CACNA1B: variants seen among roughly 807,000 people sequenced by gnomAD.
CACNA1B encodes the protein calcium voltage-gated channel subunit alpha1 B.
CACNA1B carries 70 observed loss-of-function variants against 247.2 expected under a neutral mutation model. The ratio of observed to expected loss-of-function variants is 0.28; its 90% CI spans 0.23 to 0.35. CACNA1B has a LOEUF of 0.35. CACNA1B is among the 10% of genes least tolerant of loss of function. The pLI is 1.00. For missense variants in CACNA1B, 2,367 were observed against 3,197.4 expected (o/e 0.74, Z 6.26); for synonymous variants, 1,231 against 1,294.4 (o/e 0.95, Z 1.05).
intron 43 of CACNA1B, 69 bp from the exon 44 acceptor site, chr9:138,118,583 G>C (rs950480270): frequency 1.2e-5 from 9 of 758,626 alleles, no homozygotes; most frequent in Non-Finnish European, 1.8e-5. Context: ...CATGGAGTGA[G>C]TCCGGGGTGG....
intron 45 of CACNA1B, 83 bp from the exon 46 acceptor site, chr9:138,120,548 C>G: frequency 1.4e-6 from 2 of 1,434,914 alleles, no homozygotes; most frequent in African/African-American, 1.4e-5. Context: ...CTGGCACCAC[C>G]TGAATTCTGT....
rs1959251995 is a variant in CACNA1B, at chr9:138,050,910, C to G, written c.3711-1182C>G. ...CTACAGTCAGGGGAGAAGAAGGGGA[C>G]CAGGGTGCCTGAGACGTGTAGCTCA... On this transcript the variant is annotated intron_variant, in intron 24 of 46. Transcript: ENST00000371372. The surrounding 1 kb of genome is among the most constrained non-coding windows in gnomAD (Gnocchi z 5.2). Among the ~76,000 whole-genome samples the G allele has an allele frequency of 6.6e-6, 1 of 152,052 alleles. No individual in the cohort carries two copies. The highest frequency in any genetic ancestry group is 2.4e-5 in the African/African-American group (1 of 41,386).
chr9:137,890,801 A>T (rs1588984053), intron 3 of CACNA1B: 7 of 132,992 alleles, frequency 5.3e-5, no homozygotes, highest in Non-Finnish European at 1.1e-4. Flanking sequence ...GGGGACAGTG[A>T]GCGGCAGAGC....
Position 137,952,333 on chromosome 9 carries a change from C to T in CACNA1B, c.1026C>T (p.Ile342=), listed in dbSNP as rs202077239. The T allele has an allele frequency of 2.8e-5, 45 of 1,613,606 alleles. No individual in the cohort carries two copies. Among genetic ancestry groups the T allele is most frequent in the Non-Finnish European group, 3.6e-5 (42 of 1,179,764 alleles). Residue 342 remains isoleucine, a synonymous_variant, in exon 7 of 47, where the codon ATC becomes ATT. Transcript: ENST00000371372. This position sits in a 1 kb window ranked among gnomAD's most constrained non-coding sequence, Gnocchi z 4.8. ...TCTACTTCATCCCTCTCATCATCATCGGCTCCTTCTTCATGCTCAACCTGG... is the reference window on the plus strand; with the variant it reads ...TCTACTTCATCCCTCTCATCATCATTGGCTCCTTCTTCATGCTCAACCTGG... ...NWLYFIPLII[I]GSFFMLNLVL...
In CACNA1B at chr9:138,033,543, G is replaced by A. The variant is rs151155972; in HGVS notation, c.3286+8371G>A. ...TCAGTTTTAGCTTGTCTACTGTGAT[G>A]CCACGCCAGCAAGTAGTGGGGCATA... On this transcript the variant is annotated intron_variant, in intron 20 of 46. Coordinates refer to ENST00000371372, the MANE Select transcript of CACNA1B (RefSeq NM_000718.4). Among the ~76,000 whole-genome samples the A allele has an allele frequency of 1.6e-3, 238 of 152,286 alleles. 1 individual carries two copies. Among genetic ancestry groups the A allele is most frequent in the African/African-American group, 4.9e-3 (205 of 41,558 alleles).
chr9:138,122,194 T>C lies in CACNA1B; in HGVS notation c.*195T>C, dbSNP rs879928889. Reference sequence around the variant, plus strand: ...AAAGCCCTGTTAGAGGATGCGGCTCTCTCTGTCCCCTTCCTGTCCTGCCTT... The same window carrying C: ...AAAGCCCTGTTAGAGGATGCGGCTCCCTCTGTCCCCTTCCTGTCCTGCCTT... On this transcript the variant is annotated 3_prime_UTR_variant, in exon 47 of 47. Coordinates refer to ENST00000371372, the MANE Select transcript of CACNA1B (RefSeq NM_000718.4). 6 of 598,950 alleles carry C rather than the reference T, an allele frequency of 1.0e-5. No homozygotes were observed. The highest frequency in any genetic ancestry group is 1.8e-5 in the Non-Finnish European group (6 of 337,674). 37.1% of individuals were successfully genotyped at this position (598,950 alleles called of 1,614,324 possible). A position where few individuals can be genotyped will look rare whatever the true frequency, so the allele number is the denominator to read the frequency against.
chr9:138,011,346 T>C lies in CACNA1B; in HGVS notation c.2160+1269T>C, dbSNP rs1045258911. ...ATGTCCTTGGGGCCCTGTGTCCACA[T>C]ACATGTACCCTCATTGGTGGCCCCC... On this transcript the variant is annotated intron_variant, in intron 17 of 46. Coordinates refer to ENST00000371372, the MANE Select transcript of CACNA1B (RefSeq NM_000718.4). The surrounding 1 kb of genome is among the most constrained non-coding windows in gnomAD (Gnocchi z 4.2). Among the ~76,000 whole-genome samples, 6 of 152,318 alleles carry C rather than the reference T, an allele frequency of 3.9e-5. No individual in the cohort carries two copies. In the East Asian group the frequency reaches 9.7e-4, roughly 25 times the overall value.
intron 11 of CACNA1B, among the ~76,000 whole-genome samples, chr9:137,972,844 C>T (rs1257145988): frequency 5.3e-5 from 8 of 152,290 alleles, no homozygotes; most frequent in Admixed American, 1.3e-4. Flanking sequence ...GCTCCCTGGG[C>T]GGCTGCAGGT....
At chr9:137,999,231 TA>T (rs894860000) in intron 15 of CACNA1B, among the ~76,000 whole-genome samples, 1 of 131,676 alleles carries the variant, frequency 7.6e-6, no homozygotes, top group Non-Finnish European at 1.5e-5. Flanking sequence ...AGACTCCAAC[TA>T]AAAAAAATAA....
At chr9:138,111,864 C>T (rs1439383219) in intron 39 of CACNA1B, among the ~76,000 whole-genome samples, 1 of 152,132 alleles carries the variant, frequency 6.6e-6, no homozygotes, top group Non-Finnish European at 1.5e-5. Flanking sequence ...GTCCTGTCCA[C>T]AGCCGCAGCC....
rs568141245 is a variant in CACNA1B, at chr9:138,014,473, G to A, written c.2267+1238G>A. On this transcript the variant is annotated intron_variant, in intron 18 of 46. Coordinates refer to ENST00000371372, the MANE Select transcript of CACNA1B (RefSeq NM_000718.4). This position sits in a 1 kb window ranked among gnomAD's most constrained non-coding sequence, Gnocchi z 6.2. ...AGGGGAACTTGGCAGCTGTGGACACGGTGGCCATCACGCAGAAGACTGCTG... is the reference window on the plus strand; with the variant it reads ...AGGGGAACTTGGCAGCTGTGGACACAGTGGCCATCACGCAGAAGACTGCTG... Among the ~76,000 whole-genome samples the A allele has an allele frequency of 5.7e-4, 87 of 152,276 alleles. No homozygotes were observed. Among genetic ancestry groups the A allele is most frequent in the African/African-American group, 2.0e-3 (82 of 41,546 alleles).
chr9:138,006,907 C>A, intron 16 of CACNA1B, 23 bp downstream of exon 16: 1 of 1,318,140 alleles, frequency 7.6e-7, no homozygotes, highest in Non-Finnish European at 1.1e-6. Flanking sequence ...GGGGCTGGGG[C>A]AGAGGGTGGT....
rs762044716 is a variant in CACNA1B, at chr9:137,974,360, C to A, written c.1544-1547C>A. On this transcript the variant is annotated intron_variant, in intron 11 of 46. Transcript: ENST00000371372. This position sits in a 1 kb window ranked among gnomAD's most constrained non-coding sequence, Gnocchi z 4.5. ...GGACACTGCTTGGCCTTGTTATCAT[C>A]CCATGCTTAGCTTGAGTGCCTGGTG... 1.5e-4 allele frequency among the ~76,000 whole-genome samples: 23 copies of A among 152,192 alleles called. No individual in the cohort carries two copies. The highest frequency in any genetic ancestry group is 2.5e-4 in the Non-Finnish European group (17 of 68,038).
intron 23 of CACNA1B, among the ~76,000 whole-genome samples, chr9:138,048,800 C>T (rs544550661): frequency 1.3e-5 from 2 of 152,208 alleles, no homozygotes; most frequent in Non-Finnish European, 2.9e-5. Context: ...TCACTGCAGT[C>T]TCTGTGTCCT....
chr9:138,087,435 G>T lies in CACNA1B; in HGVS notation c.5095-9049G>T, dbSNP rs1275014164. 1.4e-5 allele frequency among the ~76,000 whole-genome samples: 2 copies of T among 141,092 alleles called. 1 individual carries two copies. Among genetic ancestry groups the T allele is most frequent in the African/African-American group, 5.3e-5 (2 of 37,592 alleles). The allele number at this position is 141,092 out of a possible 152,430, so 92.6% of individuals were successfully genotyped here. The stretch of plus-strand genomic sequence containing the variant: ...GAAAAAAAAGAAAAGAGAAAAAGAA[G>T]CCTGGGCACAGTGGCTCACGCCTGT... On this transcript the variant is annotated intron_variant, in intron 36 of 46. Coordinates refer to ENST00000371372, the MANE Select transcript of CACNA1B (RefSeq NM_000718.4).
chr9:137,925,817 A>G (rs538251237), intron 6 of CACNA1B, among the ~76,000 whole-genome samples: 14 of 149,522 alleles, frequency 9.4e-5, no homozygotes, highest in Non-Finnish European at 1.8e-4. Flanking sequence ...ATCTCGGCTC[A>G]CTGCAAGCTC....
chr9:138,111,932 G>A (rs73668504), intron 39 of CACNA1B, among the ~76,000 whole-genome samples: 3,612 of 131,960 alleles, frequency 0.027, 151 homozygotes, highest in African/African-American at 0.083. Context: ...TGCACTCTCC[G>A]GTACACTTTT....
At position 137,891,953 on chromosome 9, in the gene CACNA1B, C is replaced by G; in HGVS notation, c.530+9070C>G. Reference sequence around the variant, plus strand: ...GGCAGGCCCTTCTAGCCAATGCCACCCTCCCTGTCTCCCCTGAGAGCACAG... The same window carrying G: ...GGCAGGCCCTTCTAGCCAATGCCACGCTCCCTGTCTCCCCTGAGAGCACAG... On this transcript the variant is annotated intron_variant, in intron 3 of 46. Coordinates refer to ENST00000371372, the MANE Select transcript of CACNA1B (RefSeq NM_000718.4). This position sits in a 1 kb window ranked among gnomAD's most constrained non-coding sequence, Gnocchi z 4.3. 2.3e-6 allele frequency: 1 copy of G among 428,468 alleles called. No individual in the cohort carries two copies. Among genetic ancestry groups the G allele is most frequent in the Non-Finnish European group, 4.7e-6 (1 of 211,612 alleles). 26.5% of individuals were successfully genotyped at this position (428,468 alleles called of 1,614,324 possible).
chr9:138,056,223 G>A (rs1188222845), intron 26 of CACNA1B, among the ~76,000 whole-genome samples: 6 of 152,004 alleles, frequency 3.9e-5, no homozygotes, highest in East Asian at 3.9e-4. Flanking sequence ...AACCCGCACC[G>A]TTTAACTATC....
Sources: allele counts gnomAD v4.1 joint callset (sites outside exome capture counted in the v4.1 genomes callset), GRCh38; gene constraint gnomAD v4.1.1; non-coding constraint Gnocchi (gnomAD v3.1); transcripts MANE v1.5; gene names NCBI Gene and HGNC (gene_info 2026-07-23, HGNC 2026-07-21).